Variants in PGS1 observed in about 807,000 individuals in gnomAD.
The protein encoded by PGS1 is phosphatidylglycerophosphate synthase 1.
Under a neutral mutation model 58.3 loss-of-function variants are expected in PGS1, and 44 were observed. The observed-to-expected ratio is 0.75, with a 90% confidence interval of 0.59 to 0.97. PGS1 has a LOEUF of 0.97. PGS1 is among the 50% of genes least tolerant of loss of function. The pLI is 0.00. For missense variants in PGS1, 684 were observed against 731.1 expected, an observed-to-expected ratio of 0.94 and a Z score of 0.74; for synonymous variants, 330 against 311.0, an observed-to-expected ratio of 1.06 and a Z score of -0.64.
At chr17:78,423,047 G>C (rs904344622) in intron 9 of PGS1, among the ~76,000 whole-genome samples, 1 of 151,120 alleles carries the variant, frequency 6.6e-6, no homozygotes, top group African/African-American at 2.4e-5. Context: ...AACGTGAGCC[G>C]AGATTGCGTC....
At chr17:78,409,380 CA>C (rs1464873196) in intron 7 of PGS1, among the ~76,000 whole-genome samples, 1 of 152,246 alleles carries the variant, frequency 6.6e-6, no homozygotes, top group African/African-American at 2.4e-5. Flanking sequence ...CTCATGCTGA[CA>C]GGGAAATCTG....
At chr17:78,409,916 A>G (rs2084486095) in intron 7 of PGS1, among the ~76,000 whole-genome samples, 1 of 152,256 alleles carries the variant, frequency 6.6e-6, no homozygotes, top group African/African-American at 2.4e-5. Flanking sequence ...TTTGAGACCA[A>G]TCTGGCCAAC....
Position 78,392,676 on chromosome 17 carries a change from T to G in PGS1, c.333+11T>G. ...TTCGAGCTCATGAAGGTAAGTGGTA[T>G]CTAAAGGAAAGAAGTTTGAGTTAGA... On this transcript the variant is annotated intron_variant, in intron 2 of 9. Coordinates refer to ENST00000262764, the MANE Select transcript of PGS1 (RefSeq NM_024419.5). The G allele has an allele frequency of 6.2e-7, 1 of 1,611,496 alleles. No homozygotes were observed. Among genetic ancestry groups the G allele is most frequent in the African/African-American group, 1.3e-5 (1 of 74,872 alleles).
chr17:78,385,537 C>T (rs1238193407), intron 1 of PGS1, among the ~76,000 whole-genome samples: 1 of 152,244 alleles, frequency 6.6e-6, no homozygotes, highest in Non-Finnish European at 1.5e-5. Flanking sequence ...GATCCGCCTG[C>T]TTCGGCCTCC....
intron 8 of PGS1, among the ~76,000 whole-genome samples, chr17:78,417,002 T>C (rs776095694): frequency 1.3e-5 from 2 of 152,120 alleles, no homozygotes; most frequent in South Asian, 2.1e-4. Flanking sequence ...TCATGTCACA[T>C]TGGGCACTGG....
chr17:78,408,929 C>T (rs539227911), intron 7 of PGS1, among the ~76,000 whole-genome samples: 76 of 152,304 alleles, frequency 5.0e-4, no homozygotes, highest in Non-Finnish European at 8.1e-4. Context: ...GCTGAGCTTT[C>T]CTTCCCAAGC....
chr17:78,379,643 T>C (rs752779280), intron 1 of PGS1, among the ~76,000 whole-genome samples: 1 of 151,704 alleles, frequency 6.6e-6, no homozygotes, highest in Non-Finnish European at 1.5e-5. Flanking sequence ...CTGACCAACA[T>C]GGTGAAACCG....
chr17:78,419,477 G>A, intron 8 of PGS1, 69 bp from the exon 9 acceptor site: 1 of 1,415,946 alleles, frequency 7.1e-7, no homozygotes, highest in East Asian at 2.3e-5. Context: ...GCTGGGCTGG[G>A]GCCAGCCGGC....
At chr17:78,389,704 C>A (rs1268505155) in intron 1 of PGS1, among the ~76,000 whole-genome samples, 4 of 152,100 alleles carry the variant, frequency 2.6e-5, no homozygotes, top group Non-Finnish European at 5.9e-5. Context: ...ACCTCCGCCT[C>A]CTGGGTTCAA....
intron 7 of PGS1, among the ~76,000 whole-genome samples, chr17:78,412,289 T>C (rs897269292): frequency 2.0e-5 from 3 of 152,114 alleles, no homozygotes; most frequent in Non-Finnish European, 4.4e-5. Flanking sequence ...AAGATTGCAG[T>C]GCAAATAATT....
At position 78,424,127 on chromosome 17, in the gene PGS1, C is replaced by G; in HGVS notation, c.*77C>G. On this transcript the variant is annotated 3_prime_UTR_variant, in exon 10 of 10. Coordinates refer to ENST00000262764, the MANE Select transcript of PGS1 (RefSeq NM_024419.5). ...TCTTTCAGCCGCGCTTCAGCGATGACTCCAGTCTGGGTGTCCCAGCGAGCC... is the reference window on the plus strand; with the variant it reads ...TCTTTCAGCCGCGCTTCAGCGATGAGTCCAGTCTGGGTGTCCCAGCGAGCC... The G allele has an allele frequency of 1.2e-6, 2 of 1,612,972 alleles. No homozygotes were observed. Among genetic ancestry groups the G allele is most frequent in the East Asian group, 2.2e-5 (1 of 44,878 alleles).
chr17:78,386,765 C>T (rs1000577747), intron 1 of PGS1, among the ~76,000 whole-genome samples: 13 of 152,218 alleles, frequency 8.5e-5, no homozygotes, highest in Non-Finnish European at 1.3e-4. Context: ...GCTGCTTTAG[C>T]ATGGGGATAA....
At chr17:78,423,622 G>A in intron 9 of PGS1, 2 of 400,838 alleles carry the variant, frequency 5.0e-6, no homozygotes, top group African/African-American at 2.0e-5. Context: ...TCTGGCTGCT[G>A]GGAATTGGGG....
intron 7 of PGS1, among the ~76,000 whole-genome samples, chr17:78,407,558 C>T (rs568237223): frequency 3.9e-5 from 6 of 152,308 alleles, no homozygotes; most frequent in African/African-American, 1.4e-4. Context: ...GTGTTTGGGC[C>T]CCAGAAAATT....
intron 7 of PGS1, among the ~76,000 whole-genome samples, chr17:78,410,536 T>G (rs1301685947): frequency 7.7e-6 from 1 of 130,672 alleles, no homozygotes; most frequent in African/African-American, 2.8e-5. Context: ...TGCAGTGGCG[T>G]GGTCTTGGCT....
intron 9 of PGS1, 28 bp from the exon 10 acceptor site, chr17:78,424,033 A>G (rs1267767061): frequency 6.2e-7 from 1 of 1,613,960 alleles, no homozygotes; most frequent in African/African-American, 1.3e-5. Flanking sequence ...ACACTCATAG[A>G]TGTTCTTGGT....
intron 1 of PGS1, among the ~76,000 whole-genome samples, chr17:78,382,495 A>C (rs1290898399): frequency 6.6e-6 from 1 of 152,042 alleles, no homozygotes; most frequent in East Asian, 1.9e-4. Context: ...GGTAAAGTGC[A>C]TTTGGGTTAT....
chr17:78,412,179 C>T (rs1223741482), intron 7 of PGS1, among the ~76,000 whole-genome samples: 2 of 152,108 alleles, frequency 1.3e-5, no homozygotes, highest in African/African-American at 4.8e-5. Flanking sequence ...CACCCCGTGG[C>T]ATCTCTGGAC....
In PGS1 at chr17:78,390,678, C is replaced by G. The variant is rs139447178; in HGVS notation, c.144-1798C>G. Among the ~76,000 whole-genome samples, 679 of 152,326 alleles carry G rather than the reference C, an allele frequency of 4.5e-3. 4 individuals carry two copies. The highest frequency in any genetic ancestry group is 6.7e-3 in the Admixed American group (102 of 15,304). ...GATTTTCCTGCTGCTGTTTGCAGGA[C>G]TAGGATTCATAGTAGGTCAGGTCTG... is the stretch of plus-strand genomic sequence containing the variant. On this transcript the variant is annotated intron_variant, in intron 1 of 9. Transcript: ENST00000262764.
Sources: allele counts gnomAD v4.1 joint callset (sites outside exome capture counted in the v4.1 genomes callset), GRCh38; gene constraint gnomAD v4.1.1; transcripts MANE v1.5; gene names NCBI Gene and HGNC (gene_info 2026-07-23, HGNC 2026-07-21).